Variants in ZFPM2 observed in about 807,000 individuals in gnomAD.
ZFPM2 encodes zinc finger protein ZFPM2.
In ZFPM2, 20 loss-of-function variants were observed where a neutral mutation model predicts 98.6. That is an observed-to-expected ratio of 0.20 (90% CI 0.14 to 0.29). The LOEUF (loss-of-function observed/expected upper bound fraction) is 0.29, where lower values mean the gene tolerates loss of function less well. Among genes scored for constraint, ZFPM2 ranks in the 10% least tolerant of loss-of-function variants. The probability of loss-of-function intolerance (pLI) is 1.00; values close to 1 mark genes in which losing one functional copy is unlikely to be tolerated. For missense variants in ZFPM2, 1,310 were observed against 1,388.6 expected (o/e 0.94, Z 0.90); for synonymous variants, 518 against 502.7 (o/e 1.03, Z -0.41).
chr8:105,534,351 CCCTT>C (rs1186947436), intron 3 of ZFPM2, among the ~76,000 whole-genome samples: 1 of 121,838 alleles, frequency 8.2e-6, no homozygotes, highest in Admixed American at 8.5e-5. Context: ...ACTCTCTCAT[CCCTT>C]CCTTCCTCCC....
intron 1 of ZFPM2, among the ~76,000 whole-genome samples, chr8:105,347,128 C>A (rs1270693542): frequency 6.6e-6 from 1 of 151,448 alleles, no homozygotes; most frequent in South Asian, 2.1e-4. Context: ...GATGTAACAC[C>A]CCCCACCCCG....
At chr8:105,793,152 C>T (rs1429399948) in intron 6 of ZFPM2, among the ~76,000 whole-genome samples, 3 of 151,636 alleles carry the variant, frequency 2.0e-5, no homozygotes, top group South Asian at 2.1e-4. Flanking sequence ...TTATTTTGCT[C>T]GTTAGTTGAT....
intron 3 of ZFPM2, among the ~76,000 whole-genome samples, chr8:105,534,392 CCCTTCCTACCTTT>C (rs1814403637): frequency 7.0e-6 from 1 of 143,060 alleles, no homozygotes; most frequent in Non-Finnish European, 1.5e-5. Context: ...CTTCCTTCCT[CCCTTCCTACCTTT>C]CCTTCCTTCC....
chr8:105,446,215 C>T (rs1202996884), intron 3 of ZFPM2, among the ~76,000 whole-genome samples: 13 of 152,120 alleles, frequency 8.5e-5, no homozygotes, highest in Admixed American at 5.2e-4. Context: ...CTACCGTGCC[C>T]GGCGATAGTT....
chr8:105,373,522 GTC>G (rs1810664559), intron 1 of ZFPM2, among the ~76,000 whole-genome samples: 1 of 152,096 alleles, frequency 6.6e-6, no homozygotes, highest in Non-Finnish European at 1.5e-5. Flanking sequence ...GGGCCTTACA[GTC>G]ATCATTACAG....
rs1425261698 is a variant in ZFPM2, at chr8:105,393,332, CTTTGCCTTTCTTTCTTTCTTTCTT to C, written c.41-25810_41-25787del. Among the ~76,000 whole-genome samples the C allele has an allele frequency of 5.5e-3, 241 of 44,198 alleles. 3 individuals carry two copies. The highest frequency in any genetic ancestry group is 0.018 in the African/African-American group (232 of 12,674). 29.0% of individuals were successfully genotyped at this position (44,198 alleles called of 152,430 possible). A position where few individuals can be genotyped will look rare whatever the true frequency, so the allele number is the denominator to read the frequency against. On this transcript the variant is annotated intron_variant, in intron 1 of 7. Transcript: ENST00000407775. ...TCCTTTCTTCCTTCCCTCTCTCTCT[CTTTGCCTTTCTTTCTTTCTTTCTT>C]TCTTTCTTTCTTTCTTTCTTTCTTT...
chr8:105,594,552 T>A (rs1815922432), intron 4 of ZFPM2, among the ~76,000 whole-genome samples: 1 of 152,102 alleles, frequency 6.6e-6, no homozygotes. Context: ...CTGAGCTTAG[T>A]GTTTTGTTGC....
At chr8:105,454,712 T>C (rs910249022) in intron 3 of ZFPM2, among the ~76,000 whole-genome samples, 2 of 152,200 alleles carry the variant, frequency 1.3e-5, no homozygotes, top group African/African-American at 4.8e-5. Flanking sequence ...TATTATCTTA[T>C]GAAAGTCTTC....
intron 6 of ZFPM2, among the ~76,000 whole-genome samples, chr8:105,792,345 G>A (rs968298176): frequency 7.2e-5 from 11 of 152,044 alleles, no homozygotes; most frequent in South Asian, 4.2e-4. Flanking sequence ...ATTTCGTTAC[G>A]TACCCAGTAG....
At chr8:105,552,241 G>A (rs553280628) in intron 3 of ZFPM2, among the ~76,000 whole-genome samples, 43 of 152,202 alleles carry the variant, frequency 2.8e-4, no homozygotes, top group African/African-American at 7.7e-4. Flanking sequence ...GGACCTTTCT[G>A]TGGCCCTCCA....
At chr8:105,664,882 G>A (rs1014678572) in intron 5 of ZFPM2, among the ~76,000 whole-genome samples, 1 of 152,128 alleles carries the variant, frequency 6.6e-6, no homozygotes, top group African/African-American at 2.4e-5. Flanking sequence ...GCAGTTCTCA[G>A]TGGCTTGAGT....
At chr8:105,546,837 A>G (rs903943627) in intron 3 of ZFPM2, among the ~76,000 whole-genome samples, 2 of 152,196 alleles carry the variant, frequency 1.3e-5, no homozygotes, top group African/African-American at 4.8e-5. Context: ...TCCTAGGAGT[A>G]TATAATTCCC....
rs116914983 is a variant in ZFPM2, at chr8:105,565,939, C to T, written c.420+4458C>T. On this transcript the variant is annotated intron_variant, in intron 4 of 7. Transcript: ENST00000407775. The stretch of plus-strand genomic sequence containing the variant: ...AAGGAATTGGCTTGTCCAGTTATGA[C>T]GGCTGGGAAGTACAAAATCTGCAGT... Among the ~76,000 whole-genome samples the T allele has an allele frequency of 2.6e-3, 392 of 152,216 alleles. 1 individual carries two copies. Among genetic ancestry groups the T allele is most frequent in the Non-Finnish European group, 4.5e-3 (307 of 68,014 alleles).
chr8:105,589,545 C>T (rs774488313), intron 4 of ZFPM2, among the ~76,000 whole-genome samples: 3 of 152,144 alleles, frequency 2.0e-5, no homozygotes, highest in South Asian at 2.1e-4. Flanking sequence ...GCATTATTTA[C>T]GTTAACATAA....
intron 1 of ZFPM2, among the ~76,000 whole-genome samples, chr8:105,383,087 T>C (rs1484631487): frequency 6.6e-6 from 1 of 152,002 alleles, no homozygotes; most frequent in Non-Finnish European, 1.5e-5. Flanking sequence ...TCAGGAAAAA[T>C]ATCATGCCTG....
At chr8:105,381,082 C>T (rs1034282434) in intron 1 of ZFPM2, among the ~76,000 whole-genome samples, 2 of 146,358 alleles carry the variant, frequency 1.4e-5, no homozygotes, top group African/African-American at 2.5e-5. Flanking sequence ...CCCTTGCCCC[C>T]CACCCCTCAA....
At chr8:105,579,369 T>A (rs888421191) in intron 4 of ZFPM2, among the ~76,000 whole-genome samples, 6 of 152,164 alleles carry the variant, frequency 3.9e-5, no homozygotes, top group Admixed American at 3.9e-4. Context: ...TCTGTTCAGA[T>A]CTCCAAATTT....
At chr8:105,701,556 A>C (rs1208298800) in intron 5 of ZFPM2, among the ~76,000 whole-genome samples, 9 of 152,256 alleles carry the variant, frequency 5.9e-5, no homozygotes, top group Non-Finnish European at 1.3e-4. Flanking sequence ...CTTTCTAATA[A>C]ATCTGCTAAA....
chr8:105,370,596 C>G (rs1474753734), intron 1 of ZFPM2, among the ~76,000 whole-genome samples: 1 of 152,206 alleles, frequency 6.6e-6, no homozygotes, highest in East Asian at 1.9e-4. Flanking sequence ...GGGGCTATTA[C>G]AGCAGGAGGG....
Sources: gnomAD v4.1 joint callset for allele counts (sites outside exome capture counted in the v4.1 genomes callset) on GRCh38, gnomAD v4.1.1 for gene constraint, MANE v1.5 for transcripts, NCBI Gene and HGNC (gene_info 2026-07-23, HGNC 2026-07-21) for gene names.